The following SF3B3 variants were observed in gnomAD, a reference collection of about 807,000 sequenced individuals.
SF3B3 encodes splicing factor 3b subunit 3.
SF3B3 carries 33 observed loss-of-function variants against 139.2 expected under a neutral mutation model. That is an observed-to-expected ratio of 0.24 (90% CI 0.18 to 0.32). The LOEUF (loss-of-function observed/expected upper bound fraction) is 0.32, where lower values mean the gene tolerates loss of function less well. SF3B3 is among the 10% of genes least tolerant of loss of function. The probability of loss-of-function intolerance (pLI) is 1.00; values close to 1 mark genes in which losing one functional copy is unlikely to be tolerated. For missense variants in SF3B3, 818 were observed against 1,509.4 expected (o/e 0.54, Z 7.59); for synonymous variants, 596 against 563.6 (o/e 1.06, Z -0.81).
At chr16:70,549,856 C>A (rs964897493) in intron 11 of SF3B3, among the ~76,000 whole-genome samples, 3 of 151,976 alleles carry the variant, frequency 2.0e-5, no homozygotes, top group Admixed American at 6.6e-5. Context: ...ACCTGGGAGG[C>A]GGAGGTTGCA....
In SF3B3 at chr16:70,569,080, A is replaced by C. The variant is rs1303723235; in HGVS notation, c.3203A>C (p.Glu1068Ala). 1 of 1,611,268 alleles carries C rather than the reference A, an allele frequency of 6.2e-7. No individual in the cohort carries two copies. The highest frequency in any genetic ancestry group is 8.5e-7 in the Non-Finnish European group (1 of 1,178,960). ...LPPNTNDEVD[E>A]DPTGNKALWD... ...CCTAACACCAATGATGAAGTAGATGAGGATCCTACAGGAAACAAAGCCCTG... is the reference window on the plus strand; with the variant it reads ...CCTAACACCAATGATGAAGTAGATGCGGATCCTACAGGAAACAAAGCCCTG... Residue 1068 changes from glutamate to alanine, a missense_variant, in exon 23 of 26, where the codon GAG (glutamate) becomes GCG (alanine). Glu to Ala is a moderately radical substitution (Grantham distance 107, BLOSUM62 -1). Transcript: ENST00000302516.
intron 10 of SF3B3, 83 bp downstream of exon 10, chr16:70,544,616 C>G: frequency 8.8e-6 from 7 of 793,398 alleles, no homozygotes; most frequent in South Asian, 3.0e-5. Flanking sequence ...CTGATGTTGT[C>G]AAAGACATAG....
intron 1 of SF3B3, among the ~76,000 whole-genome samples, chr16:70,525,853 C>A (rs1047758378): frequency 6.8e-6 from 1 of 148,138 alleles, no homozygotes; most frequent in Non-Finnish European, 1.5e-5. Flanking sequence ...CCCAGCTACT[C>A]GGGAGCCTGA....
In SF3B3 at chr16:70,552,102, A is replaced by C. The variant is rs1224774060; in HGVS notation, c.1403-2344A>C. Among the ~76,000 whole-genome samples the C allele has an allele frequency of 3.3e-5, 5 of 152,138 alleles. 1 individual carries two copies. Among genetic ancestry groups the C allele is most frequent in the Admixed American group, 3.3e-4 (5 of 15,264 alleles). On this transcript the variant is annotated intron_variant, in intron 11 of 25. Coordinates refer to ENST00000302516, the MANE Select transcript of SF3B3 (RefSeq NM_012426.5). ...GTAGTCTGAAGTCTTGGTCGAAGGA[A>C]AGGCACCCCTCCTCCCTTCTTTGCC...
chr16:70,566,266 T>C (rs1013562328), intron 20 of SF3B3, among the ~76,000 whole-genome samples: 8 of 150,756 alleles, frequency 5.3e-5, no homozygotes, highest in Non-Finnish European at 1.0e-4. Context: ...CTGAAGTGTA[T>C]ACTTAAAAAT....
Position 70,535,304 on chromosome 16 carries a change from A to T in SF3B3, c.713-4A>T, listed in dbSNP as rs766581069. ...TCACTGCTAAGTTTTATTTTCTCTC[A>T]CAGTTCCAGGAGGGTCAGATGGTCC... On this transcript the variant is annotated splice_region_variant and splice_polypyrimidine_tract_variant and intron_variant, in intron 5 of 25. Coordinates refer to ENST00000302516, the MANE Select transcript of SF3B3 (RefSeq NM_012426.5). 3 of 1,486,986 alleles carry T rather than the reference A, an allele frequency of 2.0e-6. No individual in the cohort carries two copies. Among genetic ancestry groups the T allele is most frequent in the Non-Finnish European group, 2.7e-6 (3 of 1,091,298 alleles). 92.1% of individuals were successfully genotyped at this position (1,486,986 alleles called of 1,614,324 possible). A position where few individuals can be genotyped will look rare whatever the true frequency, so the allele number is the denominator to read the frequency against.
At chr16:70,564,806 T>C (rs148213980) in intron 18 of SF3B3, among the ~76,000 whole-genome samples, 1 of 152,354 alleles carries the variant, frequency 6.6e-6, no homozygotes, top group East Asian at 1.9e-4. Flanking sequence ...GTCCAATATT[T>C]GTCACAGCTA....
chr16:70,568,318 C>A lies in SF3B3; in HGVS notation c.2988C>A (p.Ile996=). The change falls in exon 22 of 26, where the codon ATC becomes ATA. Residue 996 remains isoleucine (I), a synonymous_variant. Transcript: ENST00000302516. The part of the protein sequence containing the change: ...IANYISGIQT[I]GHRVIVSDVQ... The stretch of plus-strand genomic sequence containing the variant: ...ATTATATCTCTGGGATCCAGACTAT[C>A]GGACATAGGGTAATTGTATCTGATG... 6.2e-7 allele frequency: 1 copy of A among 1,612,420 alleles called. No individual in the cohort carries two copies. The highest frequency in any genetic ancestry group is 1.1e-5 in the South Asian group (1 of 91,030).
At chr16:70,547,734 C>T (rs761816618) in intron 10 of SF3B3, among the ~76,000 whole-genome samples, 4 of 152,172 alleles carry the variant, frequency 2.6e-5, no homozygotes, top group Non-Finnish European at 4.4e-5. Flanking sequence ...GCTGGGATTA[C>T]GGCACCCGCC....
At chr16:70,525,290 G>A (rs2050048453) in intron 1 of SF3B3, among the ~76,000 whole-genome samples, 1 of 152,130 alleles carries the variant, frequency 6.6e-6, no homozygotes, top group African/African-American at 2.4e-5. Context: ...GCCTCCCAAA[G>A]TGCTGGGATT....
At chr16:70,527,578 G>A (rs1463163985) in intron 2 of SF3B3, among the ~76,000 whole-genome samples, 2 of 152,020 alleles carry the variant, frequency 1.3e-5, no homozygotes, top group Non-Finnish European at 2.9e-5. Flanking sequence ...CTCTTCCTGC[G>A]GGTTTGAGTC....
intron 10 of SF3B3, 101 bp from the exon 11 acceptor site, chr16:70,548,269 T>C: frequency 1.1e-6 from 1 of 935,934 alleles, no homozygotes; most frequent in Non-Finnish European, 1.8e-6. Context: ...ACAGCATACG[T>C]TGTGAACCCT....
In SF3B3 at chr16:70,568,567, C is replaced by T. The variant is rs2050499195; in HGVS notation, c.3165+72C>T. 5.0e-5 allele frequency: 60 copies of T among 1,206,676 alleles called. No homozygotes were observed. In the South Asian group the frequency reaches 7.4e-4, roughly 15 times the overall value. 74.7% of individuals were successfully genotyped at this position (1,206,676 alleles called of 1,614,324 possible). Reference sequence around the variant, plus strand: ...TGGCTCAGTTTCTTGTGGGTAAAGCCAAGGAGGAATCAAATCTGAGAAGTA... The same window carrying T: ...TGGCTCAGTTTCTTGTGGGTAAAGCTAAGGAGGAATCAAATCTGAGAAGTA... On this transcript the variant is annotated intron_variant, in intron 22 of 25. Transcript: ENST00000302516.
At chr16:70,530,682 G>A (rs2050113087) in intron 3 of SF3B3, 63 bp from the exon 4 acceptor site, 1 of 1,341,296 alleles carries the variant, frequency 7.5e-7, no homozygotes, top group Admixed American at 2.0e-5. Context: ...GACTCTAGCT[G>A]TTCTATAAGT....
At chr16:70,569,956 G>A (rs748719605) in intron 23 of SF3B3, 50 bp from the exon 24 acceptor site, 2 of 1,609,864 alleles carry the variant, frequency 1.2e-6, no homozygotes, top group East Asian at 2.2e-5. Flanking sequence ...TGGGAGTCCA[G>A]GGAGGCTCCT....
chr16:70,536,352 A>G (rs866006132), intron 6 of SF3B3, among the ~76,000 whole-genome samples: 16 of 151,024 alleles, frequency 1.1e-4, no homozygotes, highest in South Asian at 8.4e-4. Flanking sequence ...TTGTATTTTT[A>G]TTTTTTGTAT....
intron 10 of SF3B3, among the ~76,000 whole-genome samples, chr16:70,546,152 G>A (rs555905948): frequency 6.6e-6 from 1 of 152,212 alleles, no homozygotes; most frequent in South Asian, 2.1e-4. Flanking sequence ...TTTATTTTTG[G>A]TAGAGACAGG....
In SF3B3 at chr16:70,577,063, G is replaced by C. The variant is rs956870181; in HGVS notation, c.*5250G>C. On this transcript the variant is annotated 3_prime_UTR_variant, in exon 26 of 26. Coordinates refer to ENST00000302516, the MANE Select transcript of SF3B3 (RefSeq NM_012426.5). Reference sequence around the variant, plus strand: ...GGATCACTTCAGCCTATGAGTTTGAGGCTGCAGTGAGCTGTGATTGCGCCA... The same window carrying C: ...GGATCACTTCAGCCTATGAGTTTGACGCTGCAGTGAGCTGTGATTGCGCCA... 5 of 152,246 alleles carry C rather than the reference G, an allele frequency of 3.3e-5. No individual in the cohort carries two copies. Among genetic ancestry groups the C allele is most frequent in the African/African-American group, 1.2e-4 (5 of 41,424 alleles). 9.4% of individuals were successfully genotyped at this position (152,246 alleles called of 1,614,324 possible). A position where few individuals can be genotyped will look rare whatever the true frequency, so the allele number is the denominator to read the frequency against.
chr16:70,567,600 G>A, intron 21 of SF3B3, 64 bp downstream of exon 21: 2 of 1,541,332 alleles, frequency 1.3e-6, no homozygotes, highest in Non-Finnish European at 1.8e-6. Flanking sequence ...CATTGGTGGG[G>A]TGGTGGGCAT....
Sources: allele counts gnomAD v4.1 joint callset (sites outside exome capture counted in the v4.1 genomes callset), GRCh38; gene constraint gnomAD v4.1.1; transcripts MANE v1.5; gene names NCBI Gene and HGNC (gene_info 2026-07-23, HGNC 2026-07-21).